Variants in CORO2B observed in about 807,000 individuals in gnomAD.
CORO2B encodes the protein coronin 2B.
CORO2B carries 26 observed loss-of-function variants against 58.8 expected under a neutral mutation model. The ratio of observed to expected loss-of-function variants is 0.44; its 90% confidence interval spans 0.32 to 0.61. The LOEUF is 0.61. CORO2B is among the 20% of genes least tolerant of loss of function. The pLI, the probability that CORO2B is intolerant of heterozygous loss-of-function variation, is 0.04. For missense variants in CORO2B, 460 were observed against 645.1 expected (o/e 0.71, Z 3.11); for synonymous variants, 242 against 253.8 (o/e 0.95, Z 0.44).
intron 8 of CORO2B, among the ~76,000 whole-genome samples, chr15:68,717,185 AC>A (rs1893051501): frequency 6.6e-6 from 1 of 151,452 alleles, no homozygotes; most frequent in Non-Finnish European, 1.5e-5. Context: ...GTGGTGATAC[AC>A]CCCTGTAATC....
intron 11 of CORO2B, among the ~76,000 whole-genome samples, chr15:68,724,876 C>T (rs773030980): frequency 6.6e-6 from 1 of 152,086 alleles, no homozygotes; most frequent in South Asian, 2.1e-4. Context: ...ATATGCTTTA[C>T]AGGAGAAATG....
the CORO2B span, among the ~76,000 whole-genome samples, chr15:68,541,889 C>T: frequency 3.9e-5 from 6 of 152,134 alleles, no homozygotes; most frequent in South Asian, 2.1e-4. Flanking sequence ...CTGTGCCCTG[C>T]GAACTCTGAC....
chr15:68,590,770 T>C (rs755882810), intron 1 of CORO2B, among the ~76,000 whole-genome samples: 50 of 151,700 alleles, frequency 3.3e-4, no homozygotes, highest in Admixed American at 6.6e-4. Flanking sequence ...GCAGGAGGGG[T>C]TCCTGAGAGG....
Position 68,645,500 on chromosome 15 carries a change from T to C in CORO2B, c.216+140T>C. On this transcript the variant is annotated intron_variant, in intron 2 of 11. Transcript: ENST00000261861. The surrounding 1 kb of genome is among the most constrained non-coding windows in gnomAD (Gnocchi z 4.5). ...TCATCAAGCATCTAGTGGCTATGCC[T>C]TCTTTAGGGTTTTCCTGAGATTCAA... The C allele has an allele frequency of 1.3e-6, 1 of 761,216 alleles. No homozygotes were observed. The highest frequency in any genetic ancestry group is 2.1e-6 in the Non-Finnish European group (1 of 483,270). The allele number at this position is 761,216 out of a possible 1,614,324, so 47.2% of individuals were successfully genotyped here.
At chr15:68,698,868 G>A (rs182206246) in intron 3 of CORO2B, among the ~76,000 whole-genome samples, 109 of 152,244 alleles carry the variant, frequency 7.2e-4, no homozygotes, top group South Asian at 1.0e-3. Context: ...AGAGGGGCAG[G>A]GCCCACCCCA....
chr15:68,543,622 G>A, the CORO2B span, among the ~76,000 whole-genome samples: 1 of 152,138 alleles, frequency 6.6e-6, no homozygotes, highest in Admixed American at 6.5e-5. Context: ...CAGAGTCCAT[G>A]ATTCCCATAC....
chr15:68,688,657 A>G (rs1472987380), intron 2 of CORO2B, among the ~76,000 whole-genome samples: 2 of 152,242 alleles, frequency 1.3e-5, no homozygotes, highest in Non-Finnish European at 2.9e-5. Context: ...CTTTGAATAT[A>G]TGATCTTAAA....
chr15:68,637,642 A>G (rs1901072665), intron 1 of CORO2B, among the ~76,000 whole-genome samples: 1 of 152,174 alleles, frequency 6.6e-6, no homozygotes, highest in South Asian at 2.1e-4. Flanking sequence ...GGAAAGTGCC[A>G]GTCTTTCTCT....
At chr15:68,703,371 G>C (rs1892706372) in intron 3 of CORO2B, among the ~76,000 whole-genome samples, 1 of 151,106 alleles carries the variant, frequency 6.6e-6, no homozygotes, top group South Asian at 2.1e-4. Flanking sequence ...GGCTGGTCTT[G>C]ATCTCCTGAC....
intron 1 of CORO2B, among the ~76,000 whole-genome samples, chr15:68,596,989 G>C (rs1899847097): frequency 6.6e-6 from 1 of 152,202 alleles, no homozygotes; most frequent in South Asian, 2.1e-4. Context: ...GGGCCAGCAG[G>C]GCTCCGCAGA....
At chr15:68,640,998 C>T (rs1213962370) in intron 1 of CORO2B, among the ~76,000 whole-genome samples, 2 of 152,104 alleles carry the variant, frequency 1.3e-5, no homozygotes, top group East Asian at 3.9e-4. Context: ...AGTGGAGCTC[C>T]ACGCCCAGGG....
At chr15:68,572,174 A>G in the CORO2B span, among the ~76,000 whole-genome samples, 1 of 152,236 alleles carries the variant, frequency 6.6e-6, no homozygotes, top group Non-Finnish European at 1.5e-5. Flanking sequence ...TCCAGGAGGC[A>G]ATCAGGGACT....
chr15:68,699,930 G>A (rs573824513), intron 3 of CORO2B, among the ~76,000 whole-genome samples: 6 of 152,306 alleles, frequency 3.9e-5, no homozygotes, highest in African/African-American at 1.2e-4. Context: ...ACATCACAGC[G>A]TCTGCTCTCC....
rs114896876 is a variant in CORO2B at position 68,654,405 on chromosome 15, C to T, written c.216+9045C>T. Among the ~76,000 whole-genome samples, 1,266 of 152,342 alleles carry T rather than the reference C, an allele frequency of 8.3e-3. 14 individuals carry two copies. Among genetic ancestry groups the T allele is most frequent in the African/African-American group, 0.029 (1,214 of 41,566 alleles). ...TCCATTCCTCTCATTCCTTGCAGAG[C>T]CAGGGAGGCTGGAAATTATAGTAGC... On this transcript the variant is annotated intron_variant, in intron 2 of 11. Transcript: ENST00000261861.
chr15:68,587,047 TATACACACACACAC>T (rs71145187), intron 1 of CORO2B, among the ~76,000 whole-genome samples: 30,511 of 141,712 alleles, frequency 0.22, 3,570 homozygotes, highest in Middle Eastern at 0.31. Flanking sequence ...GGGAGATATG[TATACACACACACAC>T]ACACACACAC....
At chr15:68,602,592 CA>C (rs537246415) in intron 1 of CORO2B, among the ~76,000 whole-genome samples, 4 of 152,234 alleles carry the variant, frequency 2.6e-5, no homozygotes, top group Admixed American at 6.5e-5. Context: ...CTGTAACCTC[CA>C]CGGTTCCCAG....
the CORO2B span, among the ~76,000 whole-genome samples, chr15:68,536,594 G>A: frequency 6.6e-6 from 1 of 152,192 alleles, no homozygotes; most frequent in African/African-American, 2.4e-5. Context: ...AAGTGTGATT[G>A]TGATACTTTG....
rs557233794 is a variant in CORO2B, at chr15:68,703,379, G to A, written c.334-7353G>A. Reference sequence around the variant, plus strand: ...TTGGCCAGGCTGGTCTTGATCTCCTGACCTCAAGTGAACTGCCCGCCTGGG... The same window carrying A: ...TTGGCCAGGCTGGTCTTGATCTCCTAACCTCAAGTGAACTGCCCGCCTGGG... On this transcript the variant is annotated intron_variant, in intron 3 of 11. Coordinates refer to ENST00000261861, the MANE Select transcript of CORO2B (RefSeq NM_006091.5). 8.6e-5 allele frequency among the ~76,000 whole-genome samples: 13 copies of A among 151,060 alleles called. No homozygotes were observed. The South Asian group carries it at 1.7e-3, about 20-fold the overall frequency.
intron 1 of CORO2B, among the ~76,000 whole-genome samples, chr15:68,619,881 A>G (rs1900469841): frequency 6.6e-6 from 1 of 151,890 alleles, no homozygotes; most frequent in African/African-American, 2.4e-5. Context: ...CGTCACTCTC[A>G]TTTTATAGAA....
Sources: allele counts gnomAD v4.1 joint callset (sites outside exome capture counted in the v4.1 genomes callset), GRCh38; gene constraint gnomAD v4.1.1; non-coding constraint Gnocchi (gnomAD v3.1); transcripts MANE v1.5; gene names NCBI Gene and HGNC (gene_info 2026-07-23, HGNC 2026-07-21).